The following USP43 variants were observed in gnomAD, a reference collection of about 807,000 sequenced individuals.
USP43 encodes ubiquitin specific peptidase 43.
Under a neutral mutation model 90.7 loss-of-function variants are expected in USP43, and 33 were observed. The observed-to-expected ratio is 0.36, with a 90% confidence interval of 0.28 to 0.49. The LOEUF (loss-of-function observed/expected upper bound fraction) is 0.49, where lower values mean the gene tolerates loss of function less well. USP43 is among the 20% of genes least tolerant of loss of function. The pLI is 0.98. For missense variants in USP43, 1,274 were observed against 1,476.4 expected, an observed-to-expected ratio of 0.86 and a Z score of 2.25; for synonymous variants, 598 against 615.8, an observed-to-expected ratio of 0.97 and a Z score of 0.43.
intron 1 of USP43, among the ~76,000 whole-genome samples, chr17:9,655,175 C>G (rs1912154800): frequency 6.7e-6 from 1 of 149,828 alleles, no homozygotes; most frequent in Non-Finnish European, 1.5e-5. Context: ...TTATTAAAAC[C>G]AGTCCCTTTG....
chr17:9,707,091 C>A (rs1486446546), intron 12 of USP43, among the ~76,000 whole-genome samples: 1 of 151,968 alleles, frequency 6.6e-6, no homozygotes. Flanking sequence ...TTTTTGTTTG[C>A]CATTTTACAT....
At chr17:9,689,974 G>A (rs542405181) in intron 8 of USP43, among the ~76,000 whole-genome samples, 1 of 152,142 alleles carries the variant, frequency 6.6e-6, no homozygotes, top group African/African-American at 2.4e-5. Context: ...ACTTCCAGAC[G>A]TTGATTTCGT....
At position 9,663,943 on chromosome 17, in the gene USP43, C is replaced by T. The variant is rs2151966932; in HGVS notation, c.637-2705C>T. Among the ~76,000 whole-genome samples, 2 of 152,264 alleles carry T rather than the reference C, an allele frequency of 1.3e-5. 1 individual carries two copies. Among genetic ancestry groups the T allele is most frequent in the Admixed American group, 1.3e-4 (2 of 15,284 alleles). The stretch of plus-strand genomic sequence containing the variant: ...CCCAGCCTGGTTTGGACATTCTTGA[C>T]CCTGGTACCATGCTGTTCACTGAGC... On this transcript the variant is annotated intron_variant, in intron 2 of 14. Coordinates refer to ENST00000285199, the MANE Select transcript of USP43 (RefSeq NM_153210.5).
Position 9,649,708 on chromosome 17 carries a change from GAA to G in USP43, c.504+3580_504+3581del, listed in dbSNP as rs919524180. ...AAAAAAAAAAAAAAGTTAAAATGTA[GAA>G]AAAAAAAGAGATCTGTAATTTTAAC... On this transcript the variant is annotated intron_variant, in intron 1 of 14. Transcript: ENST00000285199. Among the ~76,000 whole-genome samples, 3 of 139,790 alleles carry G rather than the reference GAA, an allele frequency of 2.1e-5. No individual in the cohort carries two copies. In the East Asian group the frequency reaches 6.3e-4, roughly 29 times the overall value. 91.7% of individuals were successfully genotyped at this position (139,790 alleles called of 152,430 possible). A position where few individuals can be genotyped will look rare whatever the true frequency, so the allele number is the denominator to read the frequency against.
chr17:9,652,106 T>A (rs931431018), intron 1 of USP43, among the ~76,000 whole-genome samples: 2 of 151,196 alleles, frequency 1.3e-5, no homozygotes, highest in Non-Finnish European at 2.9e-5. Context: ...AATCTAGGGC[T>A]GAGCACAGTG....
chr17:9,653,992 G>A (rs540142490), intron 1 of USP43, among the ~76,000 whole-genome samples: 4 of 152,258 alleles, frequency 2.6e-5, no homozygotes, highest in South Asian at 4.2e-4. Context: ...ACAGCTGACC[G>A]ATATGAAGGA....
At chr17:9,676,705 A>G (rs758602407) in intron 4 of USP43, 41 bp from the exon 5 acceptor site, 16 of 1,592,708 alleles carry the variant, frequency 1.0e-5, no homozygotes, top group African/African-American at 5.4e-5. Flanking sequence ...TTCACAGTTC[A>G]TGTCAGTCCT....
Position 9,680,372 on chromosome 17 carries a change from A to G in USP43, c.1105+6A>G, listed in dbSNP as rs1393026911. On this transcript the variant is annotated splice_donor_region_variant and intron_variant, in intron 6 of 14. Coordinates refer to ENST00000285199, the MANE Select transcript of USP43 (RefSeq NM_153210.5). ...CAGCCAGGGGACTCTCTCAGGTATAACAGGTGCTTTGCACAATTTTATTTG... is the reference window on the plus strand; with the variant it reads ...CAGCCAGGGGACTCTCTCAGGTATAGCAGGTGCTTTGCACAATTTTATTTG... 1.2e-6 allele frequency: 2 copies of G among 1,613,536 alleles called. No individual in the cohort carries two copies. The highest frequency in any genetic ancestry group is 1.7e-6 in the Non-Finnish European group (2 of 1,179,750).
chr17:9,655,242 A>G (rs555978682), intron 1 of USP43, among the ~76,000 whole-genome samples: 30 of 152,308 alleles, frequency 2.0e-4, no homozygotes, highest in African/African-American at 6.5e-4. Context: ...TTGGCTCTGC[A>G]GTCTAAGAGT....
At position 9,662,267 on chromosome 17, in the gene USP43, G is replaced by A. The variant is rs1290006009; in HGVS notation, c.637-4381G>A. ...AACAGGGGTTGCTACTACCAAAGGA[G>A]GAGGAGTGGATACGGGGCAGTCAAA... is the stretch of plus-strand genomic sequence containing the variant. On this transcript the variant is annotated intron_variant, in intron 2 of 14. Transcript: ENST00000285199. Among the ~76,000 whole-genome samples, 14 of 152,260 alleles carry A rather than the reference G, an allele frequency of 9.2e-5. No homozygotes were observed. The East Asian group carries it at 1.5e-3, about 17-fold the overall frequency.
In USP43 at chr17:9,682,316, C is replaced by T. The variant is rs143237323; in HGVS notation, c.1106-507C>T. On this transcript the variant is annotated intron_variant, in intron 6 of 14. Coordinates refer to ENST00000285199, the MANE Select transcript of USP43 (RefSeq NM_153210.5). ...GGTGCAGTGGCTCACGCCTGAAATC[C>T]CAACACTTTGGGAGGCCAAGGCAGG... Among the ~76,000 whole-genome samples the T allele has an allele frequency of 2.2e-3, 341 of 152,246 alleles. 5 individuals are homozygous for T. In the East Asian group the frequency reaches 0.052, roughly 23 times the overall value.
intron 14 of USP43, among the ~76,000 whole-genome samples, chr17:9,716,616 T>C (rs2684461): frequency 0.14 from 20,924 of 152,088 alleles, 2,382 homozygotes; most frequent in African/African-American, 0.32. Context: ...AACTACCTCT[T>C]CCTTTCTGCA....
chr17:9,676,235 T>G lies in USP43; in HGVS notation c.834-511T>G, dbSNP rs2315573. 2.5e-3 allele frequency among the ~76,000 whole-genome samples: 378 copies of G among 152,322 alleles called. 1 individual carries two copies. Among genetic ancestry groups the G allele is most frequent in the African/African-American group, 8.6e-3 (357 of 41,558 alleles). On this transcript the variant is annotated intron_variant, in intron 4 of 14. Transcript: ENST00000285199. The stretch of plus-strand genomic sequence containing the variant: ...TCTATGGTGATTCTTAATCAAATAC[T>G]TTTTCCCCCAATTCTCTGGAAAAGT...
At chr17:9,718,621 A>G (rs886335452) in intron 14 of USP43, among the ~76,000 whole-genome samples, 40 of 152,026 alleles carry the variant, frequency 2.6e-4, no homozygotes, top group African/African-American at 9.2e-4. Flanking sequence ...TGGGCAGATC[A>G]TCTGAGGTCA....
At chr17:9,693,592 T>C (rs60117282) in intron 9 of USP43, among the ~76,000 whole-genome samples, 2,063 of 152,156 alleles carry the variant, frequency 0.014, 49 homozygotes, top group African/African-American at 0.047. Context: ...TCCCAGCACT[T>C]TTGGAGGCTG....
rs1387700597 is a variant in USP43 at position 9,656,455 on chromosome 17, C to A, written c.557C>A (p.Ala186Asp). The A allele has an allele frequency of 6.2e-7, 1 of 1,610,644 alleles. No individual in the cohort carries two copies. The highest frequency in any genetic ancestry group is 8.5e-7 in the Non-Finnish European group (1 of 1,178,530). ...TTCCAAGGCAATTCCCAGCACGACG[C>A]CCTGGAATTCCTGCTCTGGTTGCTG... The part of the protein sequence containing the change: ...SQFQGNSQHD[A>D]LEFLLWLLDR... The change falls in exon 2 of 15, where the codon GCC becomes GAC. Residue 186 changes from alanine (A) to aspartate (D), a missense_variant. Ala to Asp is a moderately radical substitution (Grantham distance 126). This residue lies in a region of USP43 where 259 missense variants were observed against 373.7 expected (regional missense o/e 0.69). Coordinates refer to ENST00000285199, the MANE Select transcript of USP43 (RefSeq NM_153210.5).
At chr17:9,654,208 T>G (rs1045935004) in intron 1 of USP43, among the ~76,000 whole-genome samples, 1 of 152,246 alleles carries the variant, frequency 6.6e-6, no homozygotes, top group Non-Finnish European at 1.5e-5. Flanking sequence ...CTTTTTAGTG[T>G]AAATACGTCC....
intron 14 of USP43, among the ~76,000 whole-genome samples, chr17:9,715,991 G>A (rs934274056): frequency 2.0e-5 from 3 of 150,784 alleles, no homozygotes; most frequent in Non-Finnish European, 4.4e-5. Context: ...CTGTGTTTGT[G>A]TATCTGTGTG....
intron 13 of USP43, among the ~76,000 whole-genome samples, chr17:9,711,569 A>G (rs1056310104): frequency 3.3e-5 from 5 of 151,980 alleles, no homozygotes; most frequent in African/African-American, 7.3e-5. Context: ...ACTAGGATTT[A>G]CAGGCGCCCA....
Sources: gnomAD v4.1 joint callset for allele counts (sites outside exome capture counted in the v4.1 genomes callset) on GRCh38, gnomAD v4.1.1 for gene constraint, gnomAD v4.1.1 regional missense constraint, MANE v1.5 for transcripts, NCBI Gene and HGNC (gene_info 2026-07-23, HGNC 2026-07-21) for gene names.